Variants in TMEM38B observed in about 807,000 individuals in gnomAD.
The protein encoded by TMEM38B is trimeric intracellular cation channel type B.
In TMEM38B, 24 loss-of-function variants were observed where a neutral mutation model predicts 28.7. The ratio of observed to expected loss-of-function variants is 0.84; its 90% CI spans 0.61 to 1.18. The LOEUF (loss-of-function observed/expected upper bound fraction) is 1.18. Among genes scored for constraint, TMEM38B ranks in the 50% most tolerant of loss-of-function variants. The pLI, the probability that TMEM38B is intolerant of heterozygous loss-of-function variation, is 0.00. For synonymous variants in TMEM38B, 131 were observed against 127.7 expected (o/e 1.03, Z -0.17); for missense variants, 380 against 350.9 (o/e 1.08, Z -0.66).
rs537783963 is a variant in TMEM38B, at chr9:105,712,733, C to T, written c.269+6980C>T. Among the ~76,000 whole-genome samples, 7 of 152,324 alleles carry T rather than the reference C, an allele frequency of 4.6e-5. No individual in the cohort carries two copies. The South Asian group carries it at 6.2e-4, about 14-fold the overall frequency. On this transcript the variant is annotated intron_variant, in intron 2 of 5. Transcript: ENST00000374692. ...GAATATTACTATAAATGATGACAGC[C>T]GCAGGCCATCTGGTGTGGCTGCTGC... is the stretch of plus-strand genomic sequence containing the variant.
intron 5 of TMEM38B, chr9:105,760,259 A>T (rs79655243): frequency 1.2e-6 from 1 of 801,516 alleles, no homozygotes; most frequent in South Asian, 1.4e-5. Flanking sequence ...CCGATGATAC[A>T]TACCTTTTCT....
At chr9:105,716,374 T>TTGTGTGTATGTGTGTGTGTGTGTGTG (rs1554775407) in intron 2 of TMEM38B, among the ~76,000 whole-genome samples, 124 of 150,738 alleles carry the variant, frequency 8.2e-4, no homozygotes, top group African/African-American at 2.9e-3. Context: ...GTTGTAGCAT[T>TTGTGTGTATGTGTGTGTGTGTGTGTG]TGTGTGTGTG....
At chr9:105,727,963 T>C (rs572003090) in intron 4 of TMEM38B, among the ~76,000 whole-genome samples, 3 of 152,250 alleles carry the variant, frequency 2.0e-5, no homozygotes, top group East Asian at 1.9e-4. Context: ...TCTGCCATGA[T>C]TGTAAGTTTC....
chr9:105,743,258 A>G (rs1837268952), intron 4 of TMEM38B, among the ~76,000 whole-genome samples: 2 of 152,180 alleles, frequency 1.3e-5, no homozygotes, highest in African/African-American at 4.8e-5. Context: ...AGATTTTTCT[A>G]TTTTAAGCCA....
rs545756781 is a variant in TMEM38B, at chr9:105,756,387, A to G, written c.660+8197A>G. On this transcript the variant is annotated intron_variant, in intron 5 of 5. Transcript: ENST00000374692. ...GGGAGAAAGCATTTGGTATTTCACTATTAAGTATAATGTTGGCTGTGGGTT... is the reference window on the plus strand; with the variant it reads ...GGGAGAAAGCATTTGGTATTTCACTGTTAAGTATAATGTTGGCTGTGGGTT... Among the ~76,000 whole-genome samples, 7 of 152,252 alleles carry G rather than the reference A, an allele frequency of 4.6e-5. No individual in the cohort carries two copies. The East Asian group carries it at 7.7e-4, about 17-fold the overall frequency.
chr9:105,732,327 T>G (rs1299379824), intron 4 of TMEM38B, among the ~76,000 whole-genome samples: 4 of 152,256 alleles, frequency 2.6e-5, no homozygotes, highest in Admixed American at 6.5e-5. Flanking sequence ...ATCCCATTTG[T>G]CAATTTTGGC....
At chr9:105,701,039 G>A (rs904997678) in intron 1 of TMEM38B, 6 of 151,948 alleles carry the variant, frequency 3.9e-5, no homozygotes, top group Admixed American at 6.6e-5. Context: ...CCTCCACCAA[G>A]TTTCTAAATT....
At chr9:105,761,823 G>A (rs1274891940) in intron 5 of TMEM38B, among the ~76,000 whole-genome samples, 1 of 152,152 alleles carries the variant, frequency 6.6e-6, no homozygotes, top group Non-Finnish European at 1.5e-5. Context: ...GGTGATTCCA[G>A]TATTCAGCCA....
At chr9:105,734,803 T>G (rs1836909386) in intron 4 of TMEM38B, among the ~76,000 whole-genome samples, 1 of 152,050 alleles carries the variant, frequency 6.6e-6, no homozygotes, top group South Asian at 2.1e-4. Flanking sequence ...ATTCATTTAC[T>G]TTCAGCCTGT....
At chr9:105,705,311 C>T (rs1019632458) in intron 1 of TMEM38B, among the ~76,000 whole-genome samples, 5 of 152,100 alleles carry the variant, frequency 3.3e-5, no homozygotes, top group African/African-American at 1.2e-4. Context: ...GTGAGAATAT[C>T]GTTTATAATA....
intron 2 of TMEM38B, among the ~76,000 whole-genome samples, chr9:105,707,612 G>A (rs1387827498): frequency 6.6e-6 from 1 of 152,118 alleles, no homozygotes; most frequent in Non-Finnish European, 1.5e-5. Context: ...ATGTTGAGTT[G>A]TTACGATATG....
At chr9:105,768,727 G>A (rs1311983298) in intron 5 of TMEM38B, among the ~76,000 whole-genome samples, 1 of 152,100 alleles carries the variant, frequency 6.6e-6, no homozygotes, top group Non-Finnish European at 1.5e-5. Context: ...TTTAATGTCT[G>A]TAGAATTTGT....
chr9:105,730,516 T>C (rs1388665216), intron 4 of TMEM38B, among the ~76,000 whole-genome samples: 3 of 152,232 alleles, frequency 2.0e-5, no homozygotes, highest in Admixed American at 1.3e-4. Flanking sequence ...ATCAGGGATA[T>C]TGGCCTAAAA....
chr9:105,762,866 T>C (rs1838114861), intron 5 of TMEM38B, among the ~76,000 whole-genome samples: 5 of 146,666 alleles, frequency 3.4e-5, no homozygotes, highest in African/African-American at 1.0e-4. Context: ...TAGTTTACAG[T>C]CCCACCAACA....
At chr9:105,751,291 A>G (rs1243437202) in intron 5 of TMEM38B, among the ~76,000 whole-genome samples, 1 of 152,054 alleles carries the variant, frequency 6.6e-6, no homozygotes, top group East Asian at 1.9e-4. Flanking sequence ...GGCCAAAGGA[A>G]CCCCCATTGC....
At chr9:105,730,898 G>A (rs1429770994) in intron 4 of TMEM38B, among the ~76,000 whole-genome samples, 1 of 152,112 alleles carries the variant, frequency 6.6e-6, no homozygotes, top group African/African-American at 2.4e-5. Flanking sequence ...ATTTCTGTGG[G>A]ATCGGTGTTG....
chr9:105,714,034 G>A (rs1211901466), intron 2 of TMEM38B, among the ~76,000 whole-genome samples: 1 of 108,274 alleles, frequency 9.2e-6, no homozygotes, highest in Non-Finnish European at 1.7e-5. Context: ...CCTCCTCTCT[G>A]CTGAGAGCTG....
At chr9:105,734,678 T>G (rs1396603110) in intron 4 of TMEM38B, among the ~76,000 whole-genome samples, 1 of 152,142 alleles carries the variant, frequency 6.6e-6, no homozygotes, top group Non-Finnish European at 1.5e-5. Flanking sequence ...TTTTTATCAT[T>G]AAATACTGAC....
chr9:105,745,174 A>C (rs555124644), intron 4 of TMEM38B, among the ~76,000 whole-genome samples: 53 of 152,266 alleles, frequency 3.5e-4, no homozygotes, highest in African/African-American at 1.1e-3. Context: ...CTGTCTTCAC[A>C]ATGGTTGAAC....
Sources: allele counts gnomAD v4.1 joint callset (sites outside exome capture counted in the v4.1 genomes callset), GRCh38; gene constraint gnomAD v4.1.1; transcripts MANE v1.5; gene names NCBI Gene and HGNC (gene_info 2026-07-23, HGNC 2026-07-21).